The following CCDC149 variants were observed in gnomAD, a reference collection of about 807,000 sequenced individuals.
The protein encoded by CCDC149 is coiled-coil domain-containing protein 149.
Under a neutral mutation model 59.9 loss-of-function variants are expected in CCDC149, and 45 were observed. The observed-to-expected ratio is 0.75, with a 90% CI of 0.59 to 0.96. The LOEUF (loss-of-function observed/expected upper bound fraction) is 0.96. Ranked by LOEUF, CCDC149 falls within the 40% of genes least tolerant of loss-of-function variation. The pLI is 0.00. For missense variants in CCDC149, 584 were observed against 664.7 expected (o/e 0.88, Z 1.33); for synonymous variants, 245 against 260.6 (o/e 0.94, Z 0.58).
chr4:24,951,018 G>A (rs1207948583), intron 1 of CCDC149, among the ~76,000 whole-genome samples: 1 of 152,184 alleles, frequency 6.6e-6, no homozygotes, highest in Non-Finnish European at 1.5e-5. Context: ...GACCCCTTTA[G>A]GTTAAAAAGC....
chr4:24,917,682 A>G (rs1333689897), upstream of CCDC149, among the ~76,000 whole-genome samples: 1 of 152,136 alleles, frequency 6.6e-6, no homozygotes, highest in Non-Finnish European at 1.5e-5. Context: ...GAGAAACCCA[A>G]CCACAGGCTG....
At chr4:24,944,595 G>A (rs1342608664) in intron 1 of CCDC149, among the ~76,000 whole-genome samples, 3 of 151,496 alleles carry the variant, frequency 2.0e-5, no homozygotes, top group African/African-American at 2.4e-5. Flanking sequence ...TTCTGAAGGT[G>A]GGGTGGGAGG....
At chr4:24,908,531 CAA>C (rs5856870) in intron 1 of CCDC149, among the ~76,000 whole-genome samples, 47,311 of 114,830 alleles carry the variant, frequency 0.41, 7,703 homozygotes, top group Middle Eastern at 0.5. Flanking sequence ...TCTATCTCTA[CAA>C]AAAAAAAAAA....
At chr4:24,921,566 C>A (rs1310389573) in intron 1 of CCDC149, among the ~76,000 whole-genome samples, 1 of 152,130 alleles carries the variant, frequency 6.6e-6, no homozygotes, top group South Asian at 2.1e-4. Flanking sequence ...GGTGCTGGTA[C>A]CTCAGCATGT....
chr4:24,944,012 A>C (rs1463458113), intron 1 of CCDC149, among the ~76,000 whole-genome samples: 10 of 152,220 alleles, frequency 6.6e-5, no homozygotes, highest in Non-Finnish European at 7.3e-5. Context: ...GGGATCTAGA[A>C]CTACAAATAC....
chr4:24,830,956 GCT>G (rs1716105143), intron 9 of CCDC149: 1 of 152,682 alleles, frequency 6.5e-6, no homozygotes, highest in Admixed American at 6.5e-5. Context: ...ACGTTAACCT[GCT>G]TGGTTTTACA....
intron 1 of CCDC149, among the ~76,000 whole-genome samples, chr4:24,880,374 C>T (rs1348712313): frequency 6.6e-6 from 1 of 152,216 alleles, no homozygotes; most frequent in South Asian, 2.1e-4. Flanking sequence ...ATGACGAAAT[C>T]GCCTAGCGGC....
At chr4:24,836,632 C>T (rs1392211103) in intron 6 of CCDC149, 124 bp from the exon 7 acceptor site, 5 of 627,416 alleles carry the variant, frequency 8.0e-6, no homozygotes, top group Non-Finnish European at 1.1e-5. Flanking sequence ...TAACACCTTG[C>T]CTGCTCACCA....
At chr4:24,912,135 G>C (rs1721912218) in intron 1 of CCDC149, among the ~76,000 whole-genome samples, 1 of 152,214 alleles carries the variant, frequency 6.6e-6, no homozygotes. Flanking sequence ...AAACAGCATA[G>C]GATCCTGAAA....
chr4:24,954,829 T>G (rs936615992), intron 1 of CCDC149, among the ~76,000 whole-genome samples: 1 of 152,258 alleles, frequency 6.6e-6, no homozygotes, highest in African/African-American at 2.4e-5. Flanking sequence ...GTGCTTTCTA[T>G]TCATACTGAT....
At chr4:24,879,948 G>A (rs1719734780) in intron 1 of CCDC149, among the ~76,000 whole-genome samples, 1 of 152,168 alleles carries the variant, frequency 6.6e-6, no homozygotes, top group Non-Finnish European at 1.5e-5. Context: ...GGACTGAGAG[G>A]CCACAGATAG....
In CCDC149 at chr4:24,935,371, A is replaced by T. The variant is rs1051953695; in HGVS notation, c.-64-40253T>A. Among the ~76,000 whole-genome samples the T allele has an allele frequency of 6.6e-5, 10 of 152,204 alleles. No homozygotes were observed. In the East Asian group the frequency reaches 1.9e-3, roughly 29 times the overall value. ...AAAGTAAAGATTTATATTTTAAATA[A>T]TTCAAGGGGACTATTAGAAATCAAA... On this transcript the variant is annotated intron_variant, in intron 1 of 12. Coordinates refer to the CCDC149 transcript ENST00000389609.
chr4:24,808,293 T>A lies in CCDC149; in HGVS notation c.*96A>T. ...TTCTCACTTGCAGACTCGGAGGTAT[T>A]TCAGGAGAAGGCGACGTGAGCGCAC... On this transcript the variant is annotated 3_prime_UTR_variant, in exon 13 of 13. Transcript: ENST00000635206. 8.5e-7 allele frequency: 1 copy of A among 1,171,344 alleles called. No homozygotes were observed. Among genetic ancestry groups the A allele is most frequent in the African/African-American group, 1.5e-5 (1 of 64,786 alleles). The allele number at this position is 1,171,344 out of a possible 1,614,324, so 72.6% of individuals were successfully genotyped here.
intron 4 of CCDC149, among the ~76,000 whole-genome samples, chr4:24,841,011 C>T (rs1716901404): frequency 6.6e-6 from 1 of 152,178 alleles, no homozygotes; most frequent in Non-Finnish European, 1.5e-5. Context: ...CAAAACTGGT[C>T]ATTCCACTGA....
intron 1 of CCDC149, among the ~76,000 whole-genome samples, chr4:24,976,038 AG>A (rs1399353249): frequency 1.1e-4 from 4 of 36,392 alleles, no homozygotes; most frequent in Non-Finnish European, 2.2e-4. Flanking sequence ...AAGGAGAGGG[AG>A]GGGGGAAGGG....
At chr4:24,893,184 T>C (rs1720625728) in intron 1 of CCDC149, among the ~76,000 whole-genome samples, 1 of 152,158 alleles carries the variant, frequency 6.6e-6, no homozygotes. Context: ...TCTTCCTCCT[T>C]CTTGCCACAT....
At chr4:24,960,830 C>G (rs1723615801) in intron 1 of CCDC149, among the ~76,000 whole-genome samples, 1 of 152,136 alleles carries the variant, frequency 6.6e-6, no homozygotes, top group Non-Finnish European at 1.5e-5. Context: ...ACTCTTCACT[C>G]AGTAATTGGT....
At chr4:24,856,603 T>C (rs1237804033) in intron 3 of CCDC149, among the ~76,000 whole-genome samples, 1 of 152,144 alleles carries the variant, frequency 6.6e-6, no homozygotes, top group Non-Finnish European at 1.5e-5. Flanking sequence ...CCTCACCCCA[T>C]CACATCTCAA....
chr4:24,943,128 C>T (rs1320060623), intron 1 of CCDC149, among the ~76,000 whole-genome samples: 4 of 152,064 alleles, frequency 2.6e-5, no homozygotes, highest in African/African-American at 9.7e-5. Flanking sequence ...GGAGGCATCA[C>T]GATACCTGAC....
Sources: gnomAD v4.1 joint callset for allele counts (sites outside exome capture counted in the v4.1 genomes callset) on GRCh38, gnomAD v4.1.1 for gene constraint, MANE v1.5 for transcripts, NCBI Gene and HGNC (gene_info 2026-07-23, HGNC 2026-07-21) for gene names.